Variants in NEBL observed in about 807,000 individuals in gnomAD.
NEBL encodes the protein nebulette, also known as LIM and SH3 protein 2.
NEBL carries 122 observed loss-of-function variants against 140.2 expected under a neutral mutation model. The ratio of observed to expected loss-of-function variants is 0.87; its 90% CI spans 0.75 to 1.01. The LOEUF (loss-of-function observed/expected upper bound fraction) is 1.01, where lower values mean the gene tolerates loss of function less well. Ranked by LOEUF, NEBL falls within the 50% of genes least tolerant of loss-of-function variation. The pLI is 0.00. For synonymous variants in NEBL, 436 were observed against 398.9 expected, an observed-to-expected ratio of 1.09 and a Z score of -1.11; for missense variants, 1,365 against 1,231.3, an observed-to-expected ratio of 1.11 and a Z score of -1.62.
intron 2 of NEBL, among the ~76,000 whole-genome samples, chr10:21,047,908 G>A (rs1010611967): frequency 8.5e-5 from 13 of 152,200 alleles, no homozygotes; most frequent in African/African-American, 3.1e-4. Context: ...TATTAACTTT[G>A]CCAAGAAGAC....
intron 3 of NEBL, among the ~76,000 whole-genome samples, chr10:21,205,208 T>C (rs1342530849): frequency 1.3e-5 from 2 of 152,206 alleles, no homozygotes; most frequent in Non-Finnish European, 2.9e-5. Flanking sequence ...CCTGAAGGGA[T>C]ACTATTTACA....
At chr10:20,792,151 A>C (rs1836061566) in intron 26 of NEBL, among the ~76,000 whole-genome samples, 2 of 151,898 alleles carry the variant, frequency 1.3e-5, no homozygotes, top group South Asian at 2.1e-4. Flanking sequence ...AGAAAGAAAA[A>C]GAAAAAGAAA....
intron 19 of NEBL, among the ~76,000 whole-genome samples, chr10:20,819,837 G>A (rs913485241): frequency 5.9e-5 from 9 of 151,906 alleles, no homozygotes; most frequent in South Asian, 4.2e-4. Flanking sequence ...CGATCCTCCC[G>A]ACTCGGCCTC....
In NEBL at chr10:20,813,961, TC is replaced by T. The variant is rs776502857; in HGVS notation, c.2323del (p.Glu775LysfsTer9). ...TACCATTGAAATATGATTTTGTGCT[TC>T]TTTAACATGTCTCATAGCAGGTGTA... Reference protein sequence around the residue: ...LDTPAMRHVKEAQNHISMVKY... With the variant: ...LDTPAMRHVKXAQNHISMVKY... On this transcript the variant is annotated frameshift_variant, in exon 23 of 28. Transcript: ENST00000377122. LOFTEE classifies it high-confidence loss of function. 1.7e-5 allele frequency: 27 copies of T among 1,603,774 alleles called. No individual in the cohort carries two copies. The South Asian group carries it at 2.5e-4, about 15-fold the overall frequency.
chr10:21,255,875 G>A (rs1282122872), intron 1 of NEBL, among the ~76,000 whole-genome samples: 4 of 151,502 alleles, frequency 2.6e-5, no homozygotes, highest in East Asian at 2.0e-4. Flanking sequence ...CCAGCTACTC[G>A]GGAGGCTGAG....
chr10:20,902,447 T>C (rs1245275023), intron 4 of NEBL, among the ~76,000 whole-genome samples: 3 of 152,066 alleles, frequency 2.0e-5, no homozygotes, highest in Non-Finnish European at 4.4e-5. Context: ...CATATGTATA[T>C]TCCCCTTTTC....
Position 20,951,394 on chromosome 10 carries a change from A to T in NEBL, c.357+10278T>A, listed in dbSNP as rs1484579327. Among the ~76,000 whole-genome samples, 6 of 152,096 alleles carry T rather than the reference A, an allele frequency of 3.9e-5. No homozygotes were observed. In the East Asian group the frequency reaches 1.2e-3, roughly 29 times the overall value. ...TATAGAAGAAAATATGAGCAAAAAA[A>T]AAAAAAGAAAGAAATGCAATTTTTA... On this transcript the variant is annotated intron_variant, in intron 4 of 6. Transcript: ENST00000417816.
At chr10:20,910,546 T>C (rs1319673639) in intron 4 of NEBL, among the ~76,000 whole-genome samples, 1 of 152,154 alleles carries the variant, frequency 6.6e-6, no homozygotes, top group East Asian at 1.9e-4. Context: ...GCATGAACCA[T>C]GGTCAGAGAG....
chr10:20,991,646 G>T (rs981677931), intron 3 of NEBL, among the ~76,000 whole-genome samples: 1 of 150,550 alleles, frequency 6.6e-6, no homozygotes, highest in Admixed American at 6.6e-5. Flanking sequence ...CAGGGGTACC[G>T]GTGCAGTTTG....
intron 3 of NEBL, among the ~76,000 whole-genome samples, chr10:21,234,562 T>G (rs141927763): frequency 6.6e-6 from 1 of 152,168 alleles, no homozygotes; most frequent in African/African-American, 2.4e-5. Flanking sequence ...TTACCCAGTC[T>G]CAGGTGTTCC....
chr10:21,030,876 A>G, intron 2 of NEBL: 1 of 283,168 alleles, frequency 3.5e-6, no homozygotes, highest in South Asian at 3.7e-5. Flanking sequence ...ACACCTGTAC[A>G]TCATGGCACT....
chr10:21,264,905 G>C (rs563551238), intron 1 of NEBL, among the ~76,000 whole-genome samples: 2 of 151,758 alleles, frequency 1.3e-5, no homozygotes, highest in East Asian at 1.9e-4. Flanking sequence ...AGGGGCAAGA[G>C]AGCTTGCTGA....
rs766280453 is a variant in NEBL, at chr10:20,897,225, T to A, written c.-20A>T. 4 of 1,541,990 alleles carry A rather than the reference T, an allele frequency of 2.6e-6. No individual in the cohort carries two copies. The African/African-American group carries it at 4.1e-5, about 16-fold the overall frequency. Reference sequence around the variant, plus strand: ...CCTCATTTTTACCCTTTAAAATATTTATATTTTTAAAATTTACTCATGTGG... The same window carrying A: ...CCTCATTTTTACCCTTTAAAATATTAATATTTTTAAAATTTACTCATGTGG... On this transcript the variant is annotated 5_prime_UTR_variant, in exon 1 of 28. Coordinates refer to ENST00000377122, the MANE Select transcript of NEBL (RefSeq NM_006393.3).
intron 23 of NEBL, 35 bp downstream of exon 23, chr10:20,813,904 T>C: frequency 7.5e-7 from 1 of 1,335,964 alleles, no homozygotes; most frequent in Non-Finnish European, 1.1e-6. Flanking sequence ...GCCCATTCCT[T>C]AGCATGTTTT....
At chr10:20,867,246 G>A (rs79919864) in intron 7 of NEBL, among the ~76,000 whole-genome samples, 1 of 152,022 alleles carries the variant, frequency 6.6e-6, no homozygotes, top group African/African-American at 2.4e-5. Flanking sequence ...AACTTTGAAA[G>A]AGTTAACATT....
chr10:20,946,258 G>T (rs1835154183), intron 4 of NEBL, among the ~76,000 whole-genome samples: 1 of 152,122 alleles, frequency 6.6e-6, no homozygotes, highest in Non-Finnish European at 1.5e-5. Context: ...CATGGAAATT[G>T]GATTTTCAAA....
intron 14 of NEBL, among the ~76,000 whole-genome samples, chr10:20,833,343 C>T (rs954728472): frequency 2.0e-5 from 3 of 151,834 alleles, no homozygotes; most frequent in African/African-American, 7.3e-5. Context: ...ACAATAAGAT[C>T]CATTGACTTT....
rs73607557 is a variant in NEBL at position 20,950,581 on chromosome 10, G to A, written c.357+11091C>T. 8.2e-3 allele frequency among the ~76,000 whole-genome samples: 1,254 copies of A among 152,156 alleles called. 15 individuals are homozygous for A. The highest frequency in any genetic ancestry group is 0.029 in the African/African-American group (1,205 of 41,482). Reference sequence around the variant, plus strand: ...TTTTCACTTTTTCTGAAATCCACACGGCCTGATGCAATGTCATGTCCAGAC... The same window carrying A: ...TTTTCACTTTTTCTGAAATCCACACAGCCTGATGCAATGTCATGTCCAGAC... On this transcript the variant is annotated intron_variant, in intron 4 of 6. Transcript: ENST00000417816.
intron 2 of NEBL, among the ~76,000 whole-genome samples, chr10:21,107,167 C>G (rs918119821): frequency 1.3e-5 from 2 of 152,098 alleles, no homozygotes; most frequent in Non-Finnish European, 1.5e-5. Flanking sequence ...AATTGAATAC[C>G]CTTTATTTCT....
Sources: allele counts gnomAD v4.1 joint callset (sites outside exome capture counted in the v4.1 genomes callset), GRCh38; gene constraint gnomAD v4.1.1; transcripts MANE v1.5; gene names NCBI Gene and HGNC (gene_info 2026-07-23, HGNC 2026-07-21).